TGFBR3: variants seen among roughly 807,000 people sequenced by gnomAD.
The protein encoded by TGFBR3 is transforming growth factor beta receptor 3.
Under a neutral mutation model 87.9 loss-of-function variants are expected in TGFBR3, and 46 were observed. That is an observed-to-expected ratio of 0.52 (90% CI 0.41 to 0.67). The LOEUF is 0.67. Among genes scored for constraint, TGFBR3 ranks in the 30% least tolerant of loss-of-function variants. TGFBR3 has a pLI of 0.00. For synonymous variants in TGFBR3, 381 were observed against 391.6 expected, an observed-to-expected ratio of 0.97 and a Z score of 0.32; for missense variants, 866 against 1,041.9, an observed-to-expected ratio of 0.83 and a Z score of 2.32.
intron 10 of TGFBR3, among the ~76,000 whole-genome samples, 166 bp downstream of exon 10, chr1:91,719,146 A>G (rs1672275176): frequency 6.6e-6 from 1 of 152,184 alleles, no homozygotes; most frequent in Admixed American, 6.5e-5. Context: ...AAAACCAAAG[A>G]GCTCAGGGTC....
chr1:91,904,516 C>T (rs11165759), intron 1 of TGFBR3, among the ~76,000 whole-genome samples: 65,702 of 150,084 alleles, frequency 0.44, 14,954 homozygotes, highest in Non-Finnish European at 0.51. Context: ...CCTGCCTCAG[C>T]CTCCCAGGTA....
At chr1:91,846,242 T>C (rs1406272869) in intron 2 of TGFBR3, among the ~76,000 whole-genome samples, 1 of 152,222 alleles carries the variant, frequency 6.6e-6, no homozygotes, top group Non-Finnish European at 1.5e-5. Flanking sequence ...CTGCAGGCAT[T>C]AGGTTTTTCA....
chr1:91,848,805 G>A (rs536160799), intron 2 of TGFBR3, among the ~76,000 whole-genome samples: 8 of 152,298 alleles, frequency 5.3e-5, no homozygotes, highest in Non-Finnish European at 8.8e-5. Flanking sequence ...TGGAAATCAG[G>A]AGGGTAAGTA....
chr1:91,766,801 T>G (rs1005939723), intron 3 of TGFBR3, among the ~76,000 whole-genome samples: 1 of 133,640 alleles, frequency 7.5e-6, no homozygotes, highest in Non-Finnish European at 1.6e-5. Context: ...GAGAGTTGCA[T>G]GAGCAGATCC....
chr1:91,727,915 A>T (rs1557679697), intron 6 of TGFBR3, 109 bp from the exon 7 acceptor site: 1 of 1,352,380 alleles, frequency 7.4e-7, no homozygotes. Flanking sequence ...TTGATTAAAA[A>T]GCTGGAGTTG....
chr1:91,755,663 C>G lies in TGFBR3; in HGVS notation c.384+2950G>C, dbSNP rs562326589. ...GGCCACCTTCTTTCATTGTTAGTGT[C>G]TAAACTGATGACCAAGAAGCAGTTT... On this transcript the variant is annotated intron_variant, in intron 4 of 16. Transcript: ENST00000212355. Among the ~76,000 whole-genome samples, 6 of 152,242 alleles carry G rather than the reference C, an allele frequency of 3.9e-5. 1 individual carries two copies. Among genetic ancestry groups the G allele is most frequent in the African/African-American group, 1.4e-4 (6 of 41,552 alleles).
intron 2 of TGFBR3, among the ~76,000 whole-genome samples, chr1:91,829,081 C>T (rs1676752863): frequency 1.3e-5 from 2 of 152,038 alleles, no homozygotes; most frequent in African/African-American, 4.8e-5. Context: ...CATGCAGTAA[C>T]AAGGCACAGT....
chr1:91,781,526 C>T (rs1411104068), intron 3 of TGFBR3, among the ~76,000 whole-genome samples: 1 of 152,126 alleles, frequency 6.6e-6, no homozygotes, highest in Non-Finnish European at 1.5e-5. Flanking sequence ...GGGCTCATTA[C>T]TCAGAGCCAA....
intron 2 of TGFBR3, among the ~76,000 whole-genome samples, chr1:91,802,464 G>C (rs1056818244): frequency 1.4e-4 from 22 of 151,838 alleles, no homozygotes; most frequent in African/African-American, 5.3e-4. Context: ...AGGTTCAAGC[G>C]ATTCTCGTGC....
At position 91,861,541 on chromosome 1, in the gene TGFBR3, T is replaced by A; in HGVS notation, c.-10A>T. 1 of 1,612,082 alleles carries A rather than the reference T, an allele frequency of 6.2e-7. No individual in the cohort carries two copies. The highest frequency in any genetic ancestry group is 8.5e-7 in the Non-Finnish European group (1 of 1,178,184). On this transcript the variant is annotated 5_prime_UTR_variant, in exon 2 of 17. Coordinates refer to ENST00000212355, the MANE Select transcript of TGFBR3 (RefSeq NM_003243.5). ...CATAATGGGAAGTCATTTTTATTTC[T>A]CCAACAGTGCGTCTCGTCCAGTCAC...
chr1:91,863,436 G>A (rs1296001630), intron 1 of TGFBR3, among the ~76,000 whole-genome samples: 1 of 152,170 alleles, frequency 6.6e-6, no homozygotes, highest in East Asian at 1.9e-4. Context: ...GGAAATGTAT[G>A]GTAGGCTGTT....
At chr1:91,781,362 A>G (rs1339147813) in intron 3 of TGFBR3, among the ~76,000 whole-genome samples, 2 of 152,194 alleles carry the variant, frequency 1.3e-5, no homozygotes, top group Non-Finnish European at 2.9e-5. Flanking sequence ...AAATTAGTAA[A>G]TTCACAAAAA....
chr1:91,833,232 G>A (rs977052255), intron 2 of TGFBR3, among the ~76,000 whole-genome samples: 2 of 143,260 alleles, frequency 1.4e-5, no homozygotes, highest in South Asian at 2.3e-4. Context: ...GGAGGCGGAG[G>A]TTGCAGTGAG....
chr1:91,866,546 TA>T (rs1288417467), intron 1 of TGFBR3, among the ~76,000 whole-genome samples: 2 of 152,272 alleles, frequency 1.3e-5, no homozygotes, highest in Middle Eastern at 6.8e-3. Flanking sequence ...TATATCCGAG[TA>T]AAAATATCAT....
At chr1:91,729,599 C>G (rs1328489545) in intron 6 of TGFBR3, among the ~76,000 whole-genome samples, 1 of 152,152 alleles carries the variant, frequency 6.6e-6, no homozygotes, top group East Asian at 1.9e-4. Flanking sequence ...TGCCTTTACT[C>G]TGTTCTTCAA....
upstream of TGFBR3, among the ~76,000 whole-genome samples, chr1:91,889,752 G>A (rs1376335157): frequency 6.6e-6 from 1 of 151,782 alleles, no homozygotes; most frequent in Non-Finnish European, 1.5e-5. Flanking sequence ...TCAGCTCACT[G>A]CAACCCCCAC....
chr1:91,683,954 TG>T (rs1671004996), intron 16 of TGFBR3, 97 bp from the exon 17 acceptor site: 3 of 1,209,708 alleles, frequency 2.5e-6, no homozygotes, highest in African/African-American at 3.0e-5. Context: ...CCATTTTAAC[TG>T]ATATTTTTCT....
At chr1:91,831,086 G>T (rs1676844617) in intron 2 of TGFBR3, among the ~76,000 whole-genome samples, 1 of 152,198 alleles carries the variant, frequency 6.6e-6, no homozygotes, top group African/African-American at 2.4e-5. Flanking sequence ...AGATCTGCTA[G>T]ACCTCACAAG....
intron 4 of TGFBR3, among the ~76,000 whole-genome samples, chr1:91,755,658 AGT>A: frequency 6.6e-6 from 1 of 152,322 alleles, no homozygotes; most frequent in South Asian, 2.1e-4. Flanking sequence ...TTTCATTGTT[AGT>A]GTCTAAACTG....
Sources: gnomAD v4.1 joint callset for allele counts (sites outside exome capture counted in the v4.1 genomes callset) on GRCh38, gnomAD v4.1.1 for gene constraint, MANE v1.5 for transcripts, NCBI Gene and HGNC (gene_info 2026-07-23, HGNC 2026-07-21) for gene names.